TAB2: variants seen among roughly 807,000 people sequenced by gnomAD.
TAB2 encodes the protein TGF-beta-activated kinase 1 and MAP3K7-binding protein 2.
Under a neutral mutation model 65.0 loss-of-function variants are expected in TAB2, and 3 were observed. The ratio of observed to expected loss-of-function variants is 0.05; its 90% confidence interval spans 0.02 to 0.12. The LOEUF is 0.12. Ranked by LOEUF, TAB2 falls within the 10% of genes least tolerant of loss-of-function variation. The pLI, the probability that TAB2 is intolerant of heterozygous loss-of-function variation, is 1.00. For synonymous variants in TAB2, 298 were observed against 285.1 expected (o/e 1.05, Z -0.46); for missense variants, 623 against 840.3 (o/e 0.74, Z 3.20).
intron 6 of TAB2, among the ~76,000 whole-genome samples, chr6:149,406,774 A>G (rs989278476): frequency 6.6e-6 from 1 of 152,034 alleles, no homozygotes; most frequent in Non-Finnish European, 1.5e-5. Flanking sequence ...GCTGGAGTGC[A>G]ATGGCGCAAT....
intron 1 of TAB2, among the ~76,000 whole-genome samples, chr6:149,368,491 G>A (rs1045457546): frequency 1.1e-4 from 17 of 152,220 alleles, no homozygotes; most frequent in African/African-American, 3.6e-4. Flanking sequence ...GGAGAAATGA[G>A]CTGATAGAGA....
chr6:149,405,271 A>G (rs1384704807), intron 6 of TAB2, among the ~76,000 whole-genome samples: 1 of 152,230 alleles, frequency 6.6e-6, no homozygotes, highest in Admixed American at 6.5e-5. Flanking sequence ...GATTATATGC[A>G]TTGATGAGGA....
chr6:149,375,836 A>G (rs115420206), intron 2 of TAB2, among the ~76,000 whole-genome samples: 24 of 152,320 alleles, frequency 1.6e-4, no homozygotes, highest in African/African-American at 5.5e-4. Context: ...TTAGTAGGAT[A>G]AAAGGATTTT....
At chr6:149,347,251 A>G (rs1780335944) in intron 1 of TAB2, 1 of 152,242 alleles carries the variant, frequency 6.6e-6, no homozygotes, top group Admixed American at 6.5e-5. Flanking sequence ...AGAAGAACTT[A>G]TAACTGGTAA....
At chr6:149,289,905 G>A (rs1778746117) in intron 1 of TAB2, among the ~76,000 whole-genome samples, 1 of 152,168 alleles carries the variant, frequency 6.6e-6, no homozygotes, top group Non-Finnish European at 1.5e-5. Flanking sequence ...GGCGTGGGGG[G>A]CACAGTGGCA....
At chr6:149,287,692 AT>A (rs939114715) in intron 1 of TAB2, among the ~76,000 whole-genome samples, 3 of 152,152 alleles carry the variant, frequency 2.0e-5, no homozygotes, top group African/African-American at 7.2e-5. Flanking sequence ...GCCTAGTTTT[AT>A]TTTTTGTATG....
At chr6:149,344,592 C>T (rs1391137960) in intron 1 of TAB2, among the ~76,000 whole-genome samples, 1 of 152,030 alleles carries the variant, frequency 6.6e-6, no homozygotes, top group Non-Finnish European at 1.5e-5. Context: ...GGAGATGGAG[C>T]TATGTCATGT....
intron 1 of TAB2, among the ~76,000 whole-genome samples, chr6:149,240,117 A>G (rs567360023): frequency 1.3e-5 from 2 of 152,304 alleles, no homozygotes; most frequent in East Asian, 3.9e-4. Context: ...CCGTTGTGCT[A>G]TCTTGATTAT....
intron 1 of TAB2, among the ~76,000 whole-genome samples, chr6:149,267,685 T>A (rs1463770338): frequency 6.6e-6 from 1 of 152,014 alleles, no homozygotes; most frequent in East Asian, 1.9e-4. Context: ...GCGGACATCA[T>A]AAAATGTGCT....
intron 1 of TAB2, among the ~76,000 whole-genome samples, chr6:149,271,719 G>T (rs1169540183): frequency 6.6e-6 from 1 of 152,080 alleles, no homozygotes; most frequent in African/African-American, 2.4e-5. Flanking sequence ...GTCTACGTAG[G>T]GGATCACATA....
intron 1 of TAB2, among the ~76,000 whole-genome samples, chr6:149,352,363 T>C (rs1482053090): frequency 2.6e-5 from 4 of 152,210 alleles, no homozygotes; most frequent in Non-Finnish European, 4.4e-5. Context: ...AGAATCTGTT[T>C]GTGTATACTT....
intron 1 of TAB2, among the ~76,000 whole-genome samples, chr6:149,287,429 C>T (rs187500710): frequency 3.5e-4 from 53 of 151,642 alleles, no homozygotes; most frequent in Non-Finnish European, 5.3e-4. Context: ...AAATAATAAG[C>T]TTCCCCTACA....
chr6:149,401,563 A>T (rs1782412921), intron 6 of TAB2, among the ~76,000 whole-genome samples: 1 of 152,192 alleles, frequency 6.6e-6, no homozygotes, highest in Admixed American at 6.5e-5. Flanking sequence ...TGTAAAGCAA[A>T]TAATGACAGT....
chr6:149,368,645 T>TTGTGTGTGTGTGTGTGTGTGTG (rs3056968), intron 1 of TAB2, among the ~76,000 whole-genome samples: 7 of 147,496 alleles, frequency 4.7e-5, no homozygotes, highest in African/African-American at 1.7e-4. Context: ...ATGCGAAAAT[T>TTGTGTGTGTGTGTGTGTGTGTG]TGTGTGTGTG....
intron 3 of TAB2, among the ~76,000 whole-genome samples, chr6:149,396,840 G>A (rs547978540): frequency 2.0e-5 from 3 of 152,206 alleles, no homozygotes; most frequent in Admixed American, 6.5e-5. Context: ...CAATCTGCCT[G>A]TTTTATTTGT....
At chr6:149,391,148 C>A (rs1781969786) in intron 3 of TAB2, among the ~76,000 whole-genome samples, 1 of 152,158 alleles carries the variant, frequency 6.6e-6, no homozygotes, top group Non-Finnish European at 1.5e-5. Flanking sequence ...ACATAGAATT[C>A]TTGGTTGAAT....
chr6:149,336,422 T>C (rs968091564), intron 1 of TAB2, among the ~76,000 whole-genome samples: 3 of 152,170 alleles, frequency 2.0e-5, no homozygotes, highest in Non-Finnish European at 2.9e-5. Flanking sequence ...GCTTGATTTA[T>C]TGGGGGCACT....
At chr6:149,248,368 A>G (rs111978421) in intron 1 of TAB2, among the ~76,000 whole-genome samples, 15,609 of 151,406 alleles carry the variant, frequency 0.1, 1,558 homozygotes, top group African/African-American at 0.26. Flanking sequence ...CTCCCGCTTG[A>G]GCGACAGAGC....
At chr6:149,228,959 G>A (rs991764109) in intron 1 of TAB2, among the ~76,000 whole-genome samples, 12 of 152,184 alleles carry the variant, frequency 7.9e-5, no homozygotes, top group African/African-American at 1.7e-4. Context: ...TCTGGAGAGA[G>A]GGCACAGTGA....
Sources: allele counts gnomAD v4.1 joint callset (sites outside exome capture counted in the v4.1 genomes callset), GRCh38; gene constraint gnomAD v4.1.1; transcripts MANE v1.5; gene names NCBI Gene and HGNC (gene_info 2026-07-23, HGNC 2026-07-21).